Variants in AFG1L observed in about 807,000 individuals in gnomAD.
AFG1L encodes AFG1-like ATPase.
A neutral mutation model predicts 62.2 loss-of-function variants in AFG1L; 53 were observed. That is an observed-to-expected ratio of 0.85 (90% CI 0.68 to 1.07). The LOEUF is 1.07. Among genes scored for constraint, AFG1L ranks in the 50% least tolerant of loss-of-function variants. AFG1L has a pLI of 0.00. For missense variants in AFG1L, 555 were observed against 590.5 expected, an observed-to-expected ratio of 0.94 and a Z score of 0.62; for synonymous variants, 228 against 210.3, an observed-to-expected ratio of 1.08 and a Z score of -0.73.
intron 7 of AFG1L, among the ~76,000 whole-genome samples, chr6:108,438,700 G>A (rs1771414929): frequency 6.6e-6 from 1 of 152,124 alleles, no homozygotes; most frequent in African/African-American, 2.4e-5. Flanking sequence ...CACATGATAA[G>A]CACTTCATGA....
chr6:108,492,582 A>T (rs1277372867), intron 10 of AFG1L, among the ~76,000 whole-genome samples: 2 of 152,222 alleles, frequency 1.3e-5, no homozygotes, highest in Non-Finnish European at 2.9e-5. Flanking sequence ...GGCATTCATG[A>T]TAATGTTTAA....
chr6:108,508,356 A>G lies in AFG1L; in HGVS notation c.1063-1856A>G, dbSNP rs889701879. ...AACCCACAGCATGCTGGAACCCTCC[A>G]TGGCTGAGGTGAGTGGCTTGTCTCA... On this transcript the variant is annotated intron_variant, in intron 10 of 12. Transcript: ENST00000368977. 2.0e-5 allele frequency among the ~76,000 whole-genome samples: 3 copies of G among 152,188 alleles called. No individual in the cohort carries two copies. The East Asian group carries it at 5.8e-4, about 29-fold the overall frequency.
At chr6:108,415,899 C>CAAA (rs1372174151) in intron 7 of AFG1L, among the ~76,000 whole-genome samples, 2 of 152,160 alleles carry the variant, frequency 1.3e-5, no homozygotes, top group African/African-American at 4.8e-5. Context: ...GCAATGGCAA[C>CAAA]AGAAGCCAAA....
intron 10 of AFG1L, among the ~76,000 whole-genome samples, chr6:108,477,717 C>T (rs770615779): frequency 6.6e-6 from 1 of 152,094 alleles, no homozygotes; most frequent in Non-Finnish European, 1.5e-5. Flanking sequence ...CTGATATTGC[C>T]ATAACATTGG....
intron 7 of AFG1L, among the ~76,000 whole-genome samples, chr6:108,405,657 A>C (rs1781819490): frequency 6.6e-6 from 1 of 152,134 alleles, no homozygotes; most frequent in African/African-American, 2.4e-5. Flanking sequence ...TATTTTAATG[A>C]TTTTTAAGGG....
At chr6:108,417,384 A>C (rs1481564165) in intron 7 of AFG1L, among the ~76,000 whole-genome samples, 3 of 152,122 alleles carry the variant, frequency 2.0e-5, no homozygotes, top group African/African-American at 7.2e-5. Context: ...GTATTTTTCC[A>C]AAGAGCCGAT....
At chr6:108,374,385 GAGGAC>G (rs1780148551) in intron 6 of AFG1L, among the ~76,000 whole-genome samples, 1 of 152,090 alleles carries the variant, frequency 6.6e-6, no homozygotes, top group African/African-American at 2.4e-5. Flanking sequence ...AATTGTTTTT[GAGGAC>G]TTAGTAATAA....
At chr6:108,468,636 CT>C (rs1214145528) in intron 8 of AFG1L, among the ~76,000 whole-genome samples, 1 of 152,014 alleles carries the variant, frequency 6.6e-6, no homozygotes, top group Non-Finnish European at 1.5e-5. Context: ...TATTCTCATT[CT>C]TTTCTTCTCC....
intron 3 of AFG1L, among the ~76,000 whole-genome samples, chr6:108,354,157 A>G (rs1779180402): frequency 6.6e-6 from 1 of 152,170 alleles, no homozygotes; most frequent in Non-Finnish European, 1.5e-5. Context: ...CGAATGCCCT[A>G]GGCTTTCTGA....
intron 10 of AFG1L, among the ~76,000 whole-genome samples, chr6:108,495,117 C>G (rs1773925363): frequency 6.6e-6 from 1 of 152,046 alleles, no homozygotes; most frequent in Non-Finnish European, 1.5e-5. Context: ...GAATCTGGCA[C>G]ATAAAAATAG....
intron 8 of AFG1L, among the ~76,000 whole-genome samples, chr6:108,466,416 T>C (rs933630347): frequency 6.6e-6 from 1 of 152,174 alleles, no homozygotes; most frequent in African/African-American, 2.4e-5. Flanking sequence ...GTGGACTGAA[T>C]TGTGTCCCCC....
At chr6:108,394,455 T>G (rs1484873670) in intron 6 of AFG1L, among the ~76,000 whole-genome samples, 1 of 130,684 alleles carries the variant, frequency 7.7e-6, no homozygotes, top group Non-Finnish European at 1.8e-5. Flanking sequence ...GGCCTTGCCG[T>G]TTTTTTTATC....
intron 7 of AFG1L, among the ~76,000 whole-genome samples, chr6:108,407,841 A>T (rs927487060): frequency 6.6e-6 from 1 of 152,126 alleles, no homozygotes; most frequent in Non-Finnish European, 1.5e-5. Context: ...TGTACATATG[A>T]GGAGGGATAG....
intron 1 of AFG1L, among the ~76,000 whole-genome samples, chr6:108,304,357 A>G (rs967960659): frequency 6.6e-6 from 1 of 152,236 alleles, no homozygotes; most frequent in Non-Finnish European, 1.5e-5. Flanking sequence ...GCAGTTTTCA[A>G]AAAAGCAGCT....
intron 10 of AFG1L, among the ~76,000 whole-genome samples, chr6:108,503,226 T>A (rs1774272738): frequency 6.6e-6 from 1 of 152,188 alleles, no homozygotes; most frequent in Admixed American, 6.5e-5. Flanking sequence ...GAATGATAAA[T>A]CATTTCCGGA....
intron 7 of AFG1L, among the ~76,000 whole-genome samples, chr6:108,429,869 A>G (rs1770994371): frequency 6.6e-6 from 1 of 151,902 alleles, no homozygotes; most frequent in African/African-American, 2.4e-5. Flanking sequence ...TTTGAGCAGT[A>G]TGGTCATTTT....
chr6:108,376,452 T>G (rs1201630283), intron 6 of AFG1L, among the ~76,000 whole-genome samples: 4 of 152,120 alleles, frequency 2.6e-5, no homozygotes, highest in African/African-American at 4.8e-5. Flanking sequence ...GCAGAGATTT[T>G]GGGATATTGT....
intron 10 of AFG1L, among the ~76,000 whole-genome samples, chr6:108,499,870 G>A (rs1774120671): frequency 1.3e-5 from 2 of 152,124 alleles, no homozygotes; most frequent in African/African-American, 2.4e-5. Flanking sequence ...ATAATGCTGG[G>A]ATTTGGGCTG....
chr6:108,492,660 A>T (rs77082672), intron 10 of AFG1L, among the ~76,000 whole-genome samples: 3,559 of 152,298 alleles, frequency 0.023, 135 homozygotes, highest in African/African-American at 0.081. Context: ...GAGTTATTAC[A>T]ACATTATTTT....
Sources: allele counts gnomAD v4.1 joint callset (sites outside exome capture counted in the v4.1 genomes callset), GRCh38; gene constraint gnomAD v4.1.1; transcripts MANE v1.5; gene names NCBI Gene and HGNC (gene_info 2026-07-23, HGNC 2026-07-21).